SLC4A10: variants seen among roughly 807,000 people sequenced by gnomAD.
The protein encoded by SLC4A10 is sodium-driven chloride bicarbonate exchanger.
A neutral mutation model predicts 137.7 loss-of-function variants in SLC4A10; 42 were observed. The observed-to-expected ratio is 0.30, with a 90% CI of 0.24 to 0.39. The LOEUF is 0.39. Among genes scored for constraint, SLC4A10 ranks in the 10% least tolerant of loss-of-function variants. SLC4A10 has a pLI of 1.00. For synonymous variants in SLC4A10, 474 were observed against 464.1 expected (o/e 1.02, Z -0.27); for missense variants, 925 against 1,355.0 (o/e 0.68, Z 4.98).
At chr2:161,915,080 G>A (rs1686816684) in intron 15 of SLC4A10, among the ~76,000 whole-genome samples, 1 of 152,060 alleles carries the variant, frequency 6.6e-6, no homozygotes, top group South Asian at 2.1e-4. Context: ...ACCTTATCCT[G>A]TGCCTATAAA....
At chr2:161,976,427 G>A (rs1285955239) in intron 24 of SLC4A10, among the ~76,000 whole-genome samples, 1 of 152,082 alleles carries the variant, frequency 6.6e-6, no homozygotes, top group African/African-American at 2.4e-5. Context: ...GACAGAAAGT[G>A]GAATTATAGT....
chr2:161,824,457 G>A (rs1015229046), intron 3 of SLC4A10, among the ~76,000 whole-genome samples: 3 of 152,130 alleles, frequency 2.0e-5, no homozygotes, highest in Non-Finnish European at 4.4e-5. Flanking sequence ...GCCAATCAAG[G>A]AAATTATGAA....
At chr2:161,953,575 C>T (rs569436891) in intron 19 of SLC4A10, among the ~76,000 whole-genome samples, 3 of 151,826 alleles carry the variant, frequency 2.0e-5, no homozygotes, top group African/African-American at 7.3e-5. Flanking sequence ...GCCATTGCAC[C>T]CTGGCCTGGG....
In SLC4A10 at chr2:161,905,665, C is replaced by CTT; in HGVS notation, c.1777_1778dup (p.Leu593PhefsTer2). 6.2e-7 allele frequency: 1 copy of CTT among 1,611,634 alleles called. No individual in the cohort carries two copies. The highest frequency in any genetic ancestry group is 8.5e-7 in the Non-Finnish European group (1 of 1,178,890). On this transcript the variant is annotated frameshift_variant, in exon 15 of 27. Transcript: ENST00000446997. LOFTEE classifies it high-confidence loss of function. ...AGAGAATATGGGCTGTCATACCTATCTTTAAGAGCTAGCATTGGACTTTGG... is the reference window on the plus strand; with the variant it reads ...AGAGAATATGGGCTGTCATACCTATCTTTTTAAGAGCTAGCATTGGACTTTGG...
At position 161,840,263 on chromosome 2, in the gene SLC4A10, A is replaced by G. The variant is rs115713549; in HGVS notation, c.416+336A>G. Among the ~76,000 whole-genome samples the G allele has an allele frequency of 6.2e-3, 947 of 152,344 alleles. 8 individuals carry two copies. The highest frequency in any genetic ancestry group is 0.022 in the African/African-American group (902 of 41,582). ...CTTGCACCTAAATTTATGATAGTAT[A>G]TGATAACTTGAAAGTGGGCTTTTTT... On this transcript the variant is annotated intron_variant, in intron 4 of 26. Coordinates refer to ENST00000446997, the MANE Select transcript of SLC4A10 (RefSeq NM_001178015.2).
At chr2:161,782,829 T>G (rs2053196066) in intron 2 of SLC4A10, among the ~76,000 whole-genome samples, 1 of 147,414 alleles carries the variant, frequency 6.8e-6, no homozygotes, top group African/African-American at 2.5e-5. Flanking sequence ...TGAAAAAGAA[T>G]AAAAAAAGCT....
rs192817850 is a variant in SLC4A10 at position 161,984,047 on chromosome 2, G to A, written c.*895G>A. The A allele has an allele frequency of 6.6e-5, 10 of 152,260 alleles. No homozygotes were observed. The highest frequency in any genetic ancestry group is 1.9e-4 in the African/African-American group (8 of 41,560). The allele number at this position is 152,260 out of a possible 1,614,324, so 9.4% of individuals were successfully genotyped here. On this transcript the variant is annotated 3_prime_UTR_variant, in exon 27 of 27. Transcript: ENST00000446997. ...ATAAACATATTCTATACATACTTGT[G>A]GAATGCCACATGGTGAATCATTGTA...
chr2:161,829,477 A>C (rs543013574), intron 3 of SLC4A10, among the ~76,000 whole-genome samples: 1 of 152,158 alleles, frequency 6.6e-6, no homozygotes, highest in Non-Finnish European at 1.5e-5. Flanking sequence ...CCATCATTTA[A>C]TTAATTGCCG....
At chr2:161,785,206 G>C (rs910215553) in intron 2 of SLC4A10, among the ~76,000 whole-genome samples, 1 of 151,634 alleles carries the variant, frequency 6.6e-6, no homozygotes, top group African/African-American at 2.4e-5. Flanking sequence ...AATCTGGACA[G>C]ACAAATAACA....
At chr2:161,863,573 A>T (rs1379780880) in intron 6 of SLC4A10, among the ~76,000 whole-genome samples, 1 of 152,250 alleles carries the variant, frequency 6.6e-6, no homozygotes, top group African/African-American at 2.4e-5. Context: ...CTTTACATAC[A>T]TTATGGCTGA....
chr2:161,632,303 C>CT (rs1373977352), intron 1 of SLC4A10, among the ~76,000 whole-genome samples: 1 of 151,388 alleles, frequency 6.6e-6, no homozygotes. Context: ...ATCCATACAG[C>CT]TTTTTTCACA....
chr2:161,762,443 A>G (rs1335384334), intron 1 of SLC4A10, among the ~76,000 whole-genome samples: 1 of 152,154 alleles, frequency 6.6e-6, no homozygotes, highest in African/African-American at 2.4e-5. Context: ...TATTTAAAGC[A>G]GTATGATACA....
chr2:161,839,987 G>C, intron 4 of SLC4A10, 60 bp downstream of exon 4: 1 of 1,595,484 alleles, frequency 6.3e-7, no homozygotes, highest in South Asian at 1.1e-5. Flanking sequence ...ACTAGAAAAA[G>C]AGATTTCTAA....
At chr2:161,898,955 C>G (rs559399189) in intron 11 of SLC4A10, among the ~76,000 whole-genome samples, 5 of 152,222 alleles carry the variant, frequency 3.3e-5, no homozygotes, top group Non-Finnish European at 7.4e-5. Context: ...TTCTTCTCTC[C>G]TCAAGCCTTC....
At chr2:161,804,042 G>C (rs2055657092) in intron 2 of SLC4A10, among the ~76,000 whole-genome samples, 1 of 152,072 alleles carries the variant, frequency 6.6e-6, no homozygotes, top group Non-Finnish European at 1.5e-5. Flanking sequence ...AGCGAAACCT[G>C]TTTTATTAGA....
intron 1 of SLC4A10, among the ~76,000 whole-genome samples, chr2:161,729,753 G>A (rs907965904): frequency 6.6e-6 from 1 of 152,094 alleles, no homozygotes; most frequent in Non-Finnish European, 1.5e-5. Context: ...ATGCAAACAG[G>A]GAAAGGTTTA....
intron 23 of SLC4A10, among the ~76,000 whole-genome samples, chr2:161,965,889 G>A (rs1439722843): frequency 6.6e-6 from 1 of 151,956 alleles, no homozygotes; most frequent in Non-Finnish European, 1.5e-5. Flanking sequence ...GTGTAAATGA[G>A]GGAAAAATAA....
intron 1 of SLC4A10, among the ~76,000 whole-genome samples, chr2:161,643,728 A>T (rs1262532206): frequency 1.3e-5 from 2 of 152,176 alleles, no homozygotes; most frequent in African/African-American, 4.8e-5. Flanking sequence ...TTATTTGTCC[A>T]TTTTAAATAT....
chr2:161,625,066 CGTGTGTGTGTGT>C (rs5835872), intron 1 of SLC4A10, among the ~76,000 whole-genome samples: 3,869 of 143,612 alleles, frequency 0.027, 53 homozygotes, highest in Middle Eastern at 0.036. Context: ...ACAGAAGGAT[CGTGTGTGTGTGT>C]GTGTGTGTGT....
Sources: allele counts gnomAD v4.1 joint callset (sites outside exome capture counted in the v4.1 genomes callset), GRCh38; gene constraint gnomAD v4.1.1; transcripts MANE v1.5; gene names NCBI Gene and HGNC (gene_info 2026-07-23, HGNC 2026-07-21).